The following LRRTM4 variants were observed in gnomAD, a reference collection of about 807,000 sequenced individuals.
The protein encoded by LRRTM4 is leucine rich repeat transmembrane neuronal 4, also known as leucine-rich repeat transmembrane neuronal protein 4.
LRRTM4 carries 25 observed loss-of-function variants against 47.6 expected under a neutral mutation model. That is an observed-to-expected ratio of 0.53 (90% confidence interval 0.38 to 0.73). LRRTM4 has a LOEUF of 0.73. LRRTM4 is among the 30% of genes least tolerant of loss of function. LRRTM4 has a pLI of 0.00. For synonymous variants in LRRTM4, 311 were observed against 269.5 expected (o/e 1.15, Z -1.51); for missense variants, 638 against 713.4 (o/e 0.89, Z 1.20).
intron 3 of LRRTM4, among the ~76,000 whole-genome samples, chr2:76,779,571 C>G (rs370755139): frequency 6.7e-6 from 1 of 148,768 alleles, no homozygotes; most frequent in African/African-American, 2.5e-5. Context: ...TTATCAGAGA[C>G]TAGGATTGCA....
At chr2:77,217,461 A>ATATATATATATG (rs1383554161) in intron 3 of LRRTM4, among the ~76,000 whole-genome samples, 1 of 138,552 alleles carries the variant, frequency 7.2e-6, no homozygotes, top group African/African-American at 2.8e-5. Flanking sequence ...ATATATATAT[A>ATATATATATATG]TATATATACT....
chr2:77,340,842 A>T (rs1363865800), intron 3 of LRRTM4, among the ~76,000 whole-genome samples: 4 of 151,994 alleles, frequency 2.6e-5, no homozygotes, highest in Admixed American at 2.0e-4. Flanking sequence ...TCTAAATTTC[A>T]AAGTAAAGAA....
At chr2:76,990,064 C>A (rs975251344) in intron 3 of LRRTM4, 4 of 151,682 alleles carry the variant, frequency 2.6e-5, no homozygotes, top group Admixed American at 6.6e-5. Context: ...CATAAAAGTT[C>A]TTTCTGGGTA....
chr2:76,951,447 T>C (rs1407158691), intron 3 of LRRTM4, among the ~76,000 whole-genome samples: 3 of 152,016 alleles, frequency 2.0e-5, no homozygotes, highest in Admixed American at 6.6e-5. Flanking sequence ...AATGACAAAA[T>C]GTCTTTCTCT....
At chr2:76,791,236 C>A (rs1250628590) in intron 3 of LRRTM4, among the ~76,000 whole-genome samples, 1 of 152,118 alleles carries the variant, frequency 6.6e-6, no homozygotes, top group East Asian at 1.9e-4. Flanking sequence ...TAACGTGACT[C>A]AAAGACAGGT....
At chr2:77,245,908 G>A (rs6706982) in intron 3 of LRRTM4, among the ~76,000 whole-genome samples, 83,177 of 151,962 alleles carry the variant, frequency 0.55, 23,141 homozygotes, top group African/African-American at 0.6. Context: ...CATGAATCTT[G>A]CAGGAGAAAA....
At position 77,444,073 on chromosome 2, in the gene LRRTM4, A is replaced by G. The variant is rs575260626; in HGVS notation, c.1551+74245T>C. ...GTGAAGGCCTCTTAAACAGGTAAGT[A>G]AGAGCTTAATGTATACTTCTACAAG... On this transcript the variant is annotated intron_variant, in intron 3 of 3. Coordinates refer to ENST00000409884, the MANE Select transcript of LRRTM4 (RefSeq NM_001134745.3). 1.1e-3 allele frequency among the ~76,000 whole-genome samples: 163 copies of G among 152,262 alleles called. 1 individual carries two copies. The Middle Eastern group carries it at 0.017, about 16-fold the overall frequency.
rs956536652 is a variant in LRRTM4, at chr2:77,390,513, T to C, written c.1551+127805A>G. Among the ~76,000 whole-genome samples, 5 of 152,154 alleles carry C rather than the reference T, an allele frequency of 3.3e-5. No individual in the cohort carries two copies. In the East Asian group the frequency reaches 5.8e-4, roughly 18 times the overall value. On this transcript the variant is annotated intron_variant, in intron 3 of 3. Transcript: ENST00000409884. ...TTATAAAATAATTGATATCCGCTGGTAAATATGTATATATGAAGATTTAGA... is the reference window on the plus strand; with the variant it reads ...TTATAAAATAATTGATATCCGCTGGCAAATATGTATATATGAAGATTTAGA...
chr2:77,027,670 T>C lies in LRRTM4; in HGVS notation c.1552-278754A>G, dbSNP rs577700579. On this transcript the variant is annotated intron_variant, in intron 3 of 3. Coordinates refer to ENST00000409884, the MANE Select transcript of LRRTM4 (RefSeq NM_001134745.3). ...CCTTCTAAACAACTGTAGTTAGTAG[T>C]GAATTGCCGAAAGGATAATTTCATC... 2.0e-5 allele frequency among the ~76,000 whole-genome samples: 3 copies of C among 152,328 alleles called. No homozygotes were observed. The South Asian group carries it at 6.2e-4, about 32-fold the overall frequency.
chr2:77,210,985 A>G (rs1246676890), intron 3 of LRRTM4, among the ~76,000 whole-genome samples: 1 of 152,126 alleles, frequency 6.6e-6, no homozygotes, highest in East Asian at 1.9e-4. Context: ...GTGAAAGTGT[A>G]GTCACTGTAC....
At chr2:77,384,624 T>C (rs1673193253) in intron 3 of LRRTM4, among the ~76,000 whole-genome samples, 1 of 151,920 alleles carries the variant, frequency 6.6e-6, no homozygotes. Context: ...TGAAAGATCA[T>C]TGAAAACTTG....
intron 3 of LRRTM4, among the ~76,000 whole-genome samples, chr2:77,472,936 A>T (rs1677247648): frequency 6.6e-6 from 1 of 152,164 alleles, no homozygotes; most frequent in Non-Finnish European, 1.5e-5. Context: ...GCTCACAGCA[A>T]TCTCATATCA....
intron 3 of LRRTM4, among the ~76,000 whole-genome samples, chr2:77,228,514 G>T (rs1374353840): frequency 1.3e-5 from 2 of 152,128 alleles, no homozygotes; most frequent in African/African-American, 4.8e-5. Context: ...CATGCCAGTG[G>T]AGAGTCTGAA....
At chr2:77,208,574 G>A (rs746051504) in intron 3 of LRRTM4, among the ~76,000 whole-genome samples, 2 of 152,030 alleles carry the variant, frequency 1.3e-5, no homozygotes, top group Non-Finnish European at 1.5e-5. Context: ...ACATATATAT[G>A]TGTAATATGT....
chr2:77,092,005 C>T (rs11682024), intron 3 of LRRTM4, among the ~76,000 whole-genome samples: 22,479 of 148,964 alleles, frequency 0.15, 1,186 homozygotes, highest in Middle Eastern at 0.18. Flanking sequence ...TGTTTTAGCC[C>T]AGCCCTCATG....
intron 3 of LRRTM4, among the ~76,000 whole-genome samples, chr2:77,108,606 C>T (rs1346022878): frequency 1.7e-4 from 23 of 136,336 alleles, no homozygotes; most frequent in East Asian, 4.3e-4. Flanking sequence ...TTTTTTGAGA[C>T]GGAGTCTCGC....
chr2:76,769,465 G>A (rs1183365623), intron 3 of LRRTM4, among the ~76,000 whole-genome samples: 6 of 151,500 alleles, frequency 4.0e-5, no homozygotes, highest in Admixed American at 2.0e-4. Context: ...GCTAAGCTGG[G>A]AAAATAATTA....
chr2:76,903,851 C>G (rs1403697139), intron 3 of LRRTM4, among the ~76,000 whole-genome samples: 1 of 152,072 alleles, frequency 6.6e-6, no homozygotes, highest in African/African-American at 2.4e-5. Flanking sequence ...TGCTTCTTTT[C>G]TCAATTATGT....
At chr2:77,185,855 G>A (rs1211315496) in intron 3 of LRRTM4, among the ~76,000 whole-genome samples, 1 of 152,026 alleles carries the variant, frequency 6.6e-6, no homozygotes. Flanking sequence ...GTGACTTTAG[G>A]AAAGTCACTA....
Sources: gnomAD v4.1 joint callset for allele counts (sites outside exome capture counted in the v4.1 genomes callset) on GRCh38, gnomAD v4.1.1 for gene constraint, MANE v1.5 for transcripts, NCBI Gene and HGNC (gene_info 2026-07-23, HGNC 2026-07-21) for gene names.